CMIP: variants seen among roughly 807,000 people sequenced by gnomAD.
The protein encoded by CMIP is c-Maf inducing protein, also known as C-Maf-inducing protein.
Under a neutral mutation model 97.3 loss-of-function variants are expected in CMIP, and 13 were observed. The observed-to-expected ratio is 0.13, with a 90% CI of 0.09 to 0.21. CMIP has a LOEUF of 0.21. Ranked by LOEUF, CMIP falls within the 10% of genes least tolerant of loss-of-function variation. CMIP has a pLI of 1.00. For missense variants in CMIP, 847 were observed against 1,024.9 expected (o/e 0.83, Z 2.37); for synonymous variants, 538 against 436.3 (o/e 1.23, Z -2.91).
intron 1 of CMIP, among the ~76,000 whole-genome samples, chr16:81,525,641 C>T (rs2090116830): frequency 6.6e-6 from 1 of 152,144 alleles, no homozygotes; most frequent in African/African-American, 2.4e-5. Context: ...CTGGCCTAGC[C>T]AATCATTTTT....
chr16:81,520,788 T>C (rs1182041480), intron 1 of CMIP, among the ~76,000 whole-genome samples: 1 of 152,168 alleles, frequency 6.6e-6, no homozygotes, highest in Non-Finnish European at 1.5e-5. Context: ...CTGAGCCTCA[T>C]TCCTGTGTAA....
intron 1 of CMIP, among the ~76,000 whole-genome samples, chr16:81,457,576 C>T (rs12050950): frequency 0.28 from 42,106 of 152,182 alleles, 6,889 homozygotes; most frequent in Admixed American, 0.41. Flanking sequence ...ACCCGTGATA[C>T]GTAACAAGCA....
At chr16:81,648,447 T>C (rs968576384) in intron 3 of CMIP, among the ~76,000 whole-genome samples, 2 of 152,082 alleles carry the variant, frequency 1.3e-5, no homozygotes, top group Admixed American at 1.3e-4. Flanking sequence ...TGCTTTTTTC[T>C]GGCTGTGGGA....
chr16:81,510,386 A>G (rs2089788457), intron 1 of CMIP, among the ~76,000 whole-genome samples: 1 of 152,166 alleles, frequency 6.6e-6, no homozygotes, highest in South Asian at 2.1e-4. Flanking sequence ...TGGTAGTGTT[A>G]TTACCACCTA....
chr16:81,570,445 T>C (rs147462042), intron 1 of CMIP, among the ~76,000 whole-genome samples: 226 of 152,254 alleles, frequency 1.5e-3, no homozygotes, highest in Non-Finnish European at 2.4e-3. Context: ...CACTGCTCCG[T>C]TCTGAGCCTC....
chr16:81,505,525 C>T (rs776431352), intron 1 of CMIP, among the ~76,000 whole-genome samples: 3 of 152,324 alleles, frequency 2.0e-5, no homozygotes, highest in Middle Eastern at 3.4e-3. Flanking sequence ...CCTCTTGGAG[C>T]TTTAGTGCTT....
At chr16:81,474,494 G>A (rs1199113136) in intron 1 of CMIP, among the ~76,000 whole-genome samples, 1 of 152,184 alleles carries the variant, frequency 6.6e-6, no homozygotes, top group Non-Finnish European at 1.5e-5. Flanking sequence ...GGTTCATGGT[G>A]GCTTCTCCCT....
intron 3 of CMIP, chr16:81,645,380 G>A: frequency 1.4e-6 from 2 of 1,458,340 alleles, no homozygotes; most frequent in Middle Eastern, 1.8e-4. Flanking sequence ...GAGCCCCAGA[G>A]GCTGCGGCAG....
chr16:81,543,086 G>C (rs1311117789), intron 1 of CMIP, among the ~76,000 whole-genome samples: 1 of 152,024 alleles, frequency 6.6e-6, no homozygotes, highest in Non-Finnish European at 1.5e-5. Context: ...GAGGTGGCAA[G>C]GGCCCAGGCC....
At chr16:81,457,984 C>T (rs1434126486) in intron 1 of CMIP, among the ~76,000 whole-genome samples, 1 of 152,252 alleles carries the variant, frequency 6.6e-6, no homozygotes, top group African/African-American at 2.4e-5. Context: ...CCTGATGACT[C>T]AGGACTTCAG....
At chr16:81,634,962 G>A (rs1236807023) in intron 3 of CMIP, among the ~76,000 whole-genome samples, 1 of 152,220 alleles carries the variant, frequency 6.6e-6, no homozygotes, top group African/African-American at 2.4e-5. Flanking sequence ...TTGGGATAGA[G>A]AGAGTTCCCT....
chr16:81,536,280 G>A (rs1323143667), intron 1 of CMIP, among the ~76,000 whole-genome samples: 1 of 152,150 alleles, frequency 6.6e-6, no homozygotes, highest in Non-Finnish European at 1.5e-5. Flanking sequence ...AGTGCTCCTT[G>A]CCTTGCTGTG....
rs1252499878 is a variant in CMIP at position 81,620,960 on chromosome 16, C to T, written c.477+34C>T. 2.5e-6 allele frequency: 4 copies of T among 1,612,446 alleles called. No homozygotes were observed. In the African/African-American group the frequency reaches 4.0e-5, roughly 16 times the overall value. On this transcript the variant is annotated intron_variant, in intron 3 of 20. Transcript: ENST00000537098. ...TGACTCGGTTGCTTGTTTAAAGCGA[C>T]TCAGGCAGTGGTGCGATGGCTTAAA...
intron 10 of CMIP, 30 bp downstream of exon 10, chr16:81,678,658 G>T: frequency 1.8e-6 from 2 of 1,083,320 alleles, no homozygotes; most frequent in Non-Finnish European, 1.4e-6. Context: ...GCCCGCCCCC[G>T]GGGCCGGTGG....
chr16:81,488,584 G>C (rs868087491), intron 1 of CMIP, among the ~76,000 whole-genome samples: 2 of 152,248 alleles, frequency 1.3e-5, no homozygotes, highest in Middle Eastern at 3.4e-3. Context: ...ACTGCTATAA[G>C]GGTGACATGC....
chr16:81,672,157 A>T, intron 9 of CMIP, 87 bp downstream of exon 9: 1 of 738,380 alleles, frequency 1.4e-6, no homozygotes, highest in Middle Eastern at 2.3e-4. Flanking sequence ...AGAACTGACC[A>T]GGCCAGAGAG....
chr16:81,663,612 C>A (rs984967941), intron 6 of CMIP, among the ~76,000 whole-genome samples: 3 of 152,146 alleles, frequency 2.0e-5, no homozygotes, highest in Non-Finnish European at 4.4e-5. Flanking sequence ...AGAGTGAACC[C>A]TAAAGTCAAC....
At chr16:81,619,390 C>G (rs967004786) in intron 2 of CMIP, 2 of 152,288 alleles carry the variant, frequency 1.3e-5, no homozygotes, top group Non-Finnish European at 2.9e-5. Context: ...TCGTAGATGA[C>G]TTGGGGAGCG....
chr16:81,550,153 T>C (rs2090624705), intron 1 of CMIP, among the ~76,000 whole-genome samples: 1 of 152,230 alleles, frequency 6.6e-6, no homozygotes, highest in Non-Finnish European at 1.5e-5. Flanking sequence ...TAGCACTCCT[T>C]CTTTCCTTAC....
Sources: allele counts gnomAD v4.1 joint callset (sites outside exome capture counted in the v4.1 genomes callset), GRCh38; gene constraint gnomAD v4.1.1; transcripts MANE v1.5; gene names NCBI Gene and HGNC (gene_info 2026-07-23, HGNC 2026-07-21).